Variants in EYS observed in about 807,000 individuals in gnomAD.
The protein encoded by EYS is EGF-like photoreceptor maintenance factor.
Under a neutral mutation model 282.1 loss-of-function variants are expected in EYS, and 250 were observed. That is an observed-to-expected ratio of 0.89 (90% confidence interval 0.80 to 0.98). EYS has a LOEUF of 0.98. Among genes scored for constraint, EYS ranks in the 50% least tolerant of loss-of-function variants. The pLI is 0.00. For synonymous variants in EYS, 1,355 were observed against 1,282.9 expected (o/e 1.06, Z -1.20); for missense variants, 4,016 against 3,709.0 (o/e 1.08, Z -2.15).
intron 40 of EYS, among the ~76,000 whole-genome samples, chr6:63,773,780 A>G (rs146545637): frequency 5.8e-4 from 88 of 152,294 alleles, no homozygotes; most frequent in African/African-American, 2.0e-3. Flanking sequence ...TATATAAAAG[A>G]AGACAGTCTG....
intron 19 of EYS, among the ~76,000 whole-genome samples, chr6:64,875,432 A>C (rs745615630): frequency 6.6e-6 from 1 of 152,068 alleles, no homozygotes; most frequent in African/African-American, 2.4e-5. Context: ...TCCGGGCTAT[A>C]TCTTCTTCCT....
intron 30 of EYS, among the ~76,000 whole-genome samples, chr6:64,258,741 A>G (rs971945360): frequency 2.0e-5 from 3 of 152,014 alleles, no homozygotes; most frequent in Non-Finnish European, 4.4e-5. Flanking sequence ...TTTTAAACGT[A>G]AAGTTCATTA....
At chr6:64,586,677 A>G (rs1479030240) in intron 26 of EYS, among the ~76,000 whole-genome samples, 1 of 152,114 alleles carries the variant, frequency 6.6e-6, no homozygotes, top group African/African-American at 2.4e-5. Context: ...ACGTTATTAA[A>G]TATCTTACCT....
intron 14 of EYS, among the ~76,000 whole-genome samples, chr6:64,987,874 C>T (rs1006341135): frequency 6.6e-6 from 1 of 151,388 alleles, no homozygotes; most frequent in Non-Finnish European, 1.5e-5. Flanking sequence ...TCTAAACCCA[C>T]ATGTATGTGT....
intron 26 of EYS, among the ~76,000 whole-genome samples, chr6:64,558,772 GA>G: frequency 6.6e-6 from 1 of 152,092 alleles, no homozygotes; most frequent in East Asian, 1.9e-4. Context: ...TCCCTGCAAG[GA>G]AAATTTGCTG....
rs564458374 is a variant in EYS, at chr6:63,763,215, G to A, written c.7899-582C>T. ...CCCTCTAGCTAAAGATACAGTGGCA[G>A]TAAGTGGTTTCTGGCTAGAGCAGAA... On this transcript the variant is annotated intron_variant, in intron 40 of 42. Coordinates refer to ENST00000503581, the MANE Select transcript of EYS (RefSeq NM_001142800.2). Among the ~76,000 whole-genome samples the A allele has an allele frequency of 4.6e-5, 7 of 152,166 alleles. 2 individuals are homozygous for A. The highest frequency in any genetic ancestry group is 1.7e-4 in the African/African-American group (7 of 41,550).
At chr6:63,742,090 T>G (rs1323192299) in intron 41 of EYS, 3 of 651,074 alleles carry the variant, frequency 4.6e-6, no homozygotes, top group Non-Finnish European at 5.7e-6. Flanking sequence ...CCTCTTTAAC[T>G]CTTCACTTGT....
intron 35 of EYS, among the ~76,000 whole-genome samples, chr6:63,963,441 G>GA (rs940857906): frequency 6.6e-6 from 1 of 152,154 alleles, no homozygotes; most frequent in Admixed American, 6.6e-5. Flanking sequence ...TGAGAAATGT[G>GA]AGAAGTAGCT....
At chr6:65,594,468 G>A (rs900235564) in intron 2 of EYS, among the ~76,000 whole-genome samples, 4 of 151,892 alleles carry the variant, frequency 2.6e-5, no homozygotes, top group Non-Finnish European at 5.9e-5. Flanking sequence ...TTCAAACTTA[G>A]TTACATTACT....
intron 26 of EYS, among the ~76,000 whole-genome samples, chr6:64,464,032 T>A (rs1775841802): frequency 6.6e-6 from 1 of 152,016 alleles, no homozygotes; most frequent in Non-Finnish European, 1.5e-5. Flanking sequence ...CATAAGATAC[T>A]CCTATATACT....
At chr6:64,959,964 T>C (rs928292429) in intron 14 of EYS, among the ~76,000 whole-genome samples, 6 of 151,356 alleles carry the variant, frequency 4.0e-5, no homozygotes, top group Admixed American at 4.0e-4. Flanking sequence ...TGGGCAAATG[T>C]GTGTTTAAAA....
At chr6:65,494,548 T>G (rs1306127280) in intron 4 of EYS, 115 bp downstream of exon 4, 1 of 980,286 alleles carries the variant, frequency 1.0e-6, no homozygotes, top group African/African-American at 1.6e-5. Context: ...CCCAAAGTGC[T>G]GGGATTACAG....
intron 5 of EYS, among the ~76,000 whole-genome samples, chr6:65,476,454 T>A (rs1765408174): frequency 6.6e-6 from 1 of 152,240 alleles, no homozygotes; most frequent in Admixed American, 6.5e-5. Context: ...ATTTTTAAAT[T>A]TGCTTTTAAA....
At chr6:64,996,943 T>G (rs1771283967) in intron 14 of EYS, among the ~76,000 whole-genome samples, 1 of 152,222 alleles carries the variant, frequency 6.6e-6, no homozygotes, top group Non-Finnish European at 1.5e-5. Context: ...TGTATGTTGC[T>G]TATTTTCTGA....
chr6:64,553,245 A>G (rs1456308143), intron 26 of EYS, among the ~76,000 whole-genome samples: 1 of 152,186 alleles, frequency 6.6e-6, no homozygotes, highest in Non-Finnish European at 1.5e-5. Context: ...ATTAAAAGAA[A>G]TTAGCCAGCA....
At chr6:65,142,002 G>A (rs968720631) in intron 12 of EYS, among the ~76,000 whole-genome samples, 35 of 151,990 alleles carry the variant, frequency 2.3e-4, no homozygotes, top group Non-Finnish European at 5.1e-4. Context: ...AGTACAATAT[G>A]CAGAGCAAAC....
intron 29 of EYS, among the ~76,000 whole-genome samples, chr6:64,338,098 C>T (rs547843068): frequency 3.9e-5 from 6 of 152,098 alleles, no homozygotes; most frequent in South Asian, 4.1e-4. Context: ...CTCACCTCTC[C>T]TCTTCAACAT....
intron 12 of EYS, among the ~76,000 whole-genome samples, chr6:65,242,445 C>T (rs1383320755): frequency 2.6e-5 from 4 of 151,936 alleles, no homozygotes; most frequent in East Asian, 1.9e-4. Flanking sequence ...TAGTGGCATG[C>T]GTCAGTATGT....
At chr6:64,590,091 C>T (rs1330685859) in intron 26 of EYS, 132 bp downstream of exon 26, 3 of 729,408 alleles carry the variant, frequency 4.1e-6, no homozygotes, top group Non-Finnish European at 6.7e-6. Context: ...GGTGCCTTCT[C>T]AATTGAACTG....
Sources: gnomAD v4.1 joint callset for allele counts (sites outside exome capture counted in the v4.1 genomes callset) on GRCh38, gnomAD v4.1.1 for gene constraint, MANE v1.5 for transcripts, NCBI Gene and HGNC (gene_info 2026-07-23, HGNC 2026-07-21) for gene names.